ALDH7A1: variants seen among roughly 807,000 people sequenced by gnomAD.
ALDH7A1 encodes aldehyde dehydrogenase 7 family member A1.
In ALDH7A1, 63 loss-of-function variants were observed where a neutral mutation model predicts 79.9. The ratio of observed to expected loss-of-function variants is 0.79; its 90% CI spans 0.64 to 0.97. ALDH7A1 has a LOEUF of 0.97. Among genes scored for constraint, ALDH7A1 ranks in the 50% least tolerant of loss-of-function variants. ALDH7A1 has a pLI of 0.00. For synonymous variants in ALDH7A1, 240 were observed against 231.2 expected (o/e 1.04, Z -0.34); for missense variants, 627 against 665.2 (o/e 0.94, Z 0.63).
intron 16 of ALDH7A1, among the ~76,000 whole-genome samples, chr5:126,548,718 TGCCTGG>T (rs1481225609): frequency 6.6e-6 from 1 of 151,992 alleles, no homozygotes; most frequent in Non-Finnish European, 1.5e-5. Context: ...TAAGCTACTG[TGCCTGG>T]GCACCAAAAC....
chr5:126,593,352 T>G lies in ALDH7A1; in HGVS notation c.245A>C (p.Gln82Pro). 7.6e-6 allele frequency: 12 copies of G among 1,586,330 alleles called. No homozygotes were observed. The highest frequency in any genetic ancestry group is 9.4e-6 in the Non-Finnish European group (11 of 1,168,632). Reference protein sequence around the residue: ...ANNEPIARVRQASVADYEETV... With the variant: ...ANNEPIARVRPASVADYEETV... ...ACACACACACACACACACTCTTACC[T>G]GTCGGACTCTTGCTATTGGCTCGTT... The change falls in exon 2 of 18, where the codon CAG becomes CCG. Residue 82 changes from glutamine to proline, a missense_variant and splice_region_variant. Physicochemically the swap from Gln to Pro is moderately conservative, Grantham distance 76 (BLOSUM62 -1). Coordinates refer to ENST00000409134, the MANE Select transcript of ALDH7A1 (RefSeq NM_001182.5).
intron 3 of ALDH7A1, chr5:126,592,326 G>A (rs968606133): frequency 3.5e-6 from 1 of 285,460 alleles, no homozygotes; most frequent in African/African-American, 2.2e-5. Context: ...AAATATTTCT[G>A]GCATAGATCT....
intron 6 of ALDH7A1, 49 bp downstream of exon 6, chr5:126,577,030 T>C: frequency 6.2e-7 from 1 of 1,612,104 alleles, no homozygotes; most frequent in Non-Finnish European, 8.5e-7. Flanking sequence ...TATCTAGAAA[T>C]GGCTATTTTT....
chr5:126,590,434 C>T (rs1399921001), intron 3 of ALDH7A1, among the ~76,000 whole-genome samples: 1 of 151,758 alleles, frequency 6.6e-6, no homozygotes, highest in Non-Finnish European at 1.5e-5. Context: ...TGGCGCACAC[C>T]TGTAGTTTCA....
Position 126,595,006 on chromosome 5 carries a change from C to T in ALDH7A1, c.192+1G>A, listed in dbSNP as rs1445604772. On this transcript the variant is annotated splice_donor_variant, in intron 1 of 17. Coordinates refer to ENST00000409134, the MANE Select transcript of ALDH7A1 (RefSeq NM_001182.5). LOFTEE classifies it high-confidence loss of function. ...CAGAGATTTCTTGAGCGCCCGCGTACCTCTCCCCGGCCTCCCCAGCTTCCA... is the reference window on the plus strand; with the variant it reads ...CAGAGATTTCTTGAGCGCCCGCGTATCTCTCCCCGGCCTCCCCAGCTTCCA... 6.3e-7 allele frequency: 1 copy of T among 1,596,634 alleles called. No homozygotes were observed. Among genetic ancestry groups the T allele is most frequent in the Non-Finnish European group, 8.5e-7 (1 of 1,172,638 alleles).
At chr5:126,546,713 C>T (rs1749799438) in intron 16 of ALDH7A1, among the ~76,000 whole-genome samples, 1 of 151,646 alleles carries the variant, frequency 6.6e-6, no homozygotes, top group South Asian at 2.1e-4. Flanking sequence ...CCCACCGTGC[C>T]CAGCCCACAC....
chr5:126,570,937 G>A, intron 7 of ALDH7A1, 78 bp from the exon 8 acceptor site: 1 of 1,388,438 alleles, frequency 7.2e-7, no homozygotes, highest in East Asian at 2.3e-5. Flanking sequence ...CCAACCACTT[G>A]ACTCTCCTTT....
intron 16 of ALDH7A1, among the ~76,000 whole-genome samples, chr5:126,547,061 C>A (rs912635164): frequency 6.6e-6 from 1 of 152,204 alleles, no homozygotes; most frequent in Admixed American, 6.5e-5. Flanking sequence ...AGCCTGCACA[C>A]ATTTGAAATA....
intron 5 of ALDH7A1, among the ~76,000 whole-genome samples, chr5:126,578,739 A>C (rs957185577): frequency 6.6e-6 from 1 of 152,138 alleles, no homozygotes; most frequent in African/African-American, 2.4e-5. Context: ...ATAATCCTAC[A>C]AGGTGTTTAT....
At chr5:126,564,915 C>T (rs565171952) in intron 9 of ALDH7A1, among the ~76,000 whole-genome samples, 2 of 152,234 alleles carry the variant, frequency 1.3e-5, no homozygotes, top group South Asian at 2.1e-4. Context: ...AAGAAAAGCA[C>T]CTATAATTAA....
At position 126,589,242 on chromosome 5, in the gene ALDH7A1, C is replaced by T. The variant is rs377252824; in HGVS notation, c.312+3422G>A. On this transcript the variant is annotated intron_variant, in intron 3 of 17. Transcript: ENST00000409134. ...GCTCAATCTCCGCTCACTGCAAGGT[C>T]GGCCTCCCAGGTTCAAGTGATTCTC... is the stretch of plus-strand genomic sequence containing the variant. Among the ~76,000 whole-genome samples the T allele has an allele frequency of 2.3e-3, 356 of 152,180 alleles. 3 individuals carry two copies. The highest frequency in any genetic ancestry group is 7.9e-3 in the African/African-American group (329 of 41,544).
chr5:126,544,473 C>T lies in ALDH7A1; in HGVS notation c.*492G>A. ...TCCACATGAATACTGAACTGTGGTC[C>T]AAGCATACAGGGGAATGCATCCCCC... is the stretch of plus-strand genomic sequence containing the variant. On this transcript the variant is annotated 3_prime_UTR_variant, in exon 18 of 18. Transcript: ENST00000409134. The T allele has an allele frequency of 5.5e-6, 1 of 182,768 alleles. No homozygotes were observed. 11.3% of individuals were successfully genotyped at this position (182,768 alleles called of 1,614,324 possible). A position where few individuals can be genotyped will look rare whatever the true frequency, so the allele number is the denominator to read the frequency against.
Position 126,555,938 on chromosome 5 carries a change from T to C in ALDH7A1, c.1086A>G (p.Pro362=), listed in dbSNP as rs1750179524. 1 of 1,612,696 alleles carries C rather than the reference T, an allele frequency of 6.2e-7. No individual in the cohort carries two copies. Among genetic ancestry groups the C allele is most frequent in the Non-Finnish European group, 8.5e-7 (1 of 1,178,856 alleles). The change falls in exon 12 of 18, where the codon CCA becomes CCG. Residue 362 remains proline, a synonymous_variant. Coordinates refer to ENST00000409134, the MANE Select transcript of ALDH7A1 (RefSeq NM_001182.5). ...GCAGAAGGAGATACTCACGGTCCCA[T>C]GGGTTCCCAACTCGGATCTGTGCAT... ...KAYAQIRVGN[P]WDPNVLYGPL...
intron 3 of ALDH7A1, among the ~76,000 whole-genome samples, chr5:126,584,813 T>C (rs1353304125): frequency 6.6e-6 from 1 of 151,928 alleles, no homozygotes; most frequent in African/African-American, 2.4e-5. Context: ...CTGGCTTAAA[T>C]AGGTAGGTAG....
At chr5:126,562,753 C>T (rs1750446537) in intron 9 of ALDH7A1, among the ~76,000 whole-genome samples, 2 of 152,114 alleles carry the variant, frequency 1.3e-5, no homozygotes, top group Admixed American at 6.5e-5. Flanking sequence ...GAGGCTGAGG[C>T]AGGAGAATTG....
intron 1 of ALDH7A1, chr5:126,593,924 T>C (rs1190072194): frequency 1.1e-5 from 3 of 272,696 alleles, no homozygotes; most frequent in Non-Finnish European, 2.2e-5. Flanking sequence ...AACACCGAGG[T>C]CTGAGGAGCA....
rs77894478 is a variant in ALDH7A1, at chr5:126,593,496, A to T, written c.193-92T>A. ...AAACGGGGAAGAAAAACAAGAGAGG[A>T]AAAAATGATATAATACCCAAACTCA... On this transcript the variant is annotated intron_variant, in intron 1 of 17. Coordinates refer to ENST00000409134, the MANE Select transcript of ALDH7A1 (RefSeq NM_001182.5). 0.028 allele frequency: 42,624 copies of T among 1,546,308 alleles called. 1,314 individuals are homozygous for T. Among genetic ancestry groups the T allele is most frequent in the African/African-American group, 0.15 (10,810 of 73,262 alleles).
rs756081030 is a variant in ALDH7A1, at chr5:126,577,207, A to C, written c.522T>G (p.Ser174=). Residue 174 remains serine, a synonymous_variant, in exon 6 of 18, where the codon TCT becomes TCG. Coordinates refer to ENST00000409134, the MANE Select transcript of ALDH7A1 (RefSeq NM_001182.5). ...TCCACTGCTCAATCAGTGCATGGCC[A>C]GATCCTGAGGACAGAAAAAGGATGG... The part of the protein sequence containing the change: ...IGGPILPSER[S]GHALIEQWNP... The C allele has an allele frequency of 2.5e-6, 4 of 1,614,196 alleles. No individual in the cohort carries two copies. The highest frequency in any genetic ancestry group is 3.4e-6 in the Non-Finnish European group (4 of 1,180,046).
chr5:126,561,584 T>G (rs1750407088), intron 9 of ALDH7A1: 1 of 152,764 alleles, frequency 6.5e-6, no homozygotes. Context: ...GGGCAAAATG[T>G]AAGCAATTAG....
Sources: gnomAD v4.1 joint callset for allele counts (sites outside exome capture counted in the v4.1 genomes callset) on GRCh38, gnomAD v4.1.1 for gene constraint, MANE v1.5 for transcripts, NCBI Gene and HGNC (gene_info 2026-07-23, HGNC 2026-07-21) for gene names.